The following CYTH3 variants were observed in gnomAD, a reference collection of about 807,000 sequenced individuals.
The protein encoded by CYTH3 is cytohesin 3.
Under a neutral mutation model 55.1 loss-of-function variants are expected in CYTH3, and 23 were observed. That is an observed-to-expected ratio of 0.42 (90% confidence interval 0.30 to 0.59). The LOEUF (loss-of-function observed/expected upper bound fraction) is 0.59. Ranked by LOEUF, CYTH3 falls within the 20% of genes least tolerant of loss-of-function variation. The pLI is 0.20. For synonymous variants in CYTH3, 249 were observed against 194.9 expected (o/e 1.28, Z -2.31); for missense variants, 413 against 524.8 (o/e 0.79, Z 2.08).
chr7:6,228,762 CTG>C (rs1359771885), intron 1 of CYTH3, among the ~76,000 whole-genome samples: 2 of 152,194 alleles, frequency 1.3e-5, no homozygotes. Flanking sequence ...AAGAACACGG[CTG>C]TGTTTTTAAG....
intron 9 of CYTH3, among the ~76,000 whole-genome samples, chr7:6,168,437 A>G (rs1190521931): frequency 6.6e-6 from 1 of 152,118 alleles, no homozygotes; most frequent in Non-Finnish European, 1.5e-5. Context: ...AGCACGTTCT[A>G]GATCCTGCAC....
Position 6,272,541 on chromosome 7 carries a change from GCC to G in CYTH3, c.-36_-35del. 1 of 1,301,082 alleles carries G rather than the reference GCC, an allele frequency of 7.7e-7. No individual in the cohort carries two copies. Among genetic ancestry groups the G allele is most frequent in the Non-Finnish European group, 9.9e-7 (1 of 1,012,544 alleles). 80.6% of individuals were successfully genotyped at this position (1,301,082 alleles called of 1,614,324 possible). ...CACTCCCGCAGCCGGCGAGCCGGGGGCCGGCAGCAGAGGGGCCGCGGGCTGGG... is the reference window on the plus strand; with the variant it reads ...CACTCCCGCAGCCGGCGAGCCGGGGGGGCAGCAGAGGGGCCGCGGGCTGGG... On this transcript the variant is annotated 5_prime_UTR_variant, in exon 1 of 13. Transcript: ENST00000350796.
chr7:6,267,570 T>C (rs1780532219), intron 1 of CYTH3, among the ~76,000 whole-genome samples: 1 of 152,228 alleles, frequency 6.6e-6, no homozygotes, highest in Non-Finnish European at 1.5e-5. Flanking sequence ...TCTCACTCTG[T>C]CGCCAGGCAG....
At chr7:6,182,869 T>C (rs1783544506) in intron 4 of CYTH3, among the ~76,000 whole-genome samples, 1 of 152,186 alleles carries the variant, frequency 6.6e-6, no homozygotes, top group African/African-American at 2.4e-5. Context: ...TTGGGTTTCA[T>C]GTCTCTTTCA....
Position 6,246,694 on chromosome 7 carries a change from A to G in CYTH3, c.34+25780T>C, listed in dbSNP as rs1212266121. On this transcript the variant is annotated intron_variant, in intron 1 of 12. Coordinates refer to ENST00000350796, the MANE Select transcript of CYTH3 (RefSeq NM_004227.4). Reference sequence around the variant, plus strand: ...CCTGCCCCACCCCCACCTACTTCTCAGTTTCTACTAGTGAATCTGACCCAG... The same window carrying G: ...CCTGCCCCACCCCCACCTACTTCTCGGTTTCTACTAGTGAATCTGACCCAG... 6.9e-5 allele frequency among the ~76,000 whole-genome samples: 8 copies of G among 115,336 alleles called. No individual in the cohort carries two copies. In the Admixed American group the frequency reaches 1.0e-3, roughly 15 times the overall value. 75.7% of individuals were successfully genotyped at this position (115,336 alleles called of 152,430 possible).
rs1452282058 is a variant in CYTH3, at chr7:6,171,628, C to G, written c.450-314G>C. The G allele has an allele frequency of 6.4e-6, 2 of 311,358 alleles. No homozygotes were observed. Among genetic ancestry groups the G allele is most frequent in the Non-Finnish European group, 1.3e-5 (2 of 157,198 alleles). The allele number at this position is 311,358 out of a possible 1,614,324, so 19.3% of individuals were successfully genotyped here. On this transcript the variant is annotated intron_variant, in intron 6 of 12. Coordinates refer to ENST00000350796, the MANE Select transcript of CYTH3 (RefSeq NM_004227.4). The surrounding 1 kb of genome is among the most constrained non-coding windows in gnomAD (Gnocchi z 6.7). ...TTCTCTGTCCCCATTGCCACCATCTCCTGCTGCTGCCAGGTGATCACCAGA... is the reference window on the plus strand; with the variant it reads ...TTCTCTGTCCCCATTGCCACCATCTGCTGCTGCTGCCAGGTGATCACCAGA...
intron 1 of CYTH3, among the ~76,000 whole-genome samples, chr7:6,218,660 G>A (rs896428810): frequency 3.9e-5 from 6 of 152,112 alleles, no homozygotes; most frequent in African/African-American, 1.2e-4. Context: ...TGAAGATGAC[G>A]ATACAGAAAG....
chr7:6,221,023 C>T lies in CYTH3; in HGVS notation c.35-30492G>A, dbSNP rs182191352. Among the ~76,000 whole-genome samples, 4 of 152,102 alleles carry T rather than the reference C, an allele frequency of 2.6e-5. No individual in the cohort carries two copies. The East Asian group carries it at 5.8e-4, about 22-fold the overall frequency. ...AAAAAAAAACTAAACATACACTTACCATGTGATCCAGCAATATCACCTGAG... is the reference window on the plus strand; with the variant it reads ...AAAAAAAAACTAAACATACACTTACTATGTGATCCAGCAATATCACCTGAG... On this transcript the variant is annotated intron_variant, in intron 1 of 12. Transcript: ENST00000350796.
chr7:6,184,830 G>C (rs569542970), intron 4 of CYTH3, among the ~76,000 whole-genome samples: 1 of 151,878 alleles, frequency 6.6e-6, no homozygotes, highest in South Asian at 2.1e-4. Context: ...TGCCCAACTG[G>C]GCCTCCTAAA....
intron 1 of CYTH3, among the ~76,000 whole-genome samples, chr7:6,232,165 C>T (rs1037139866): frequency 6.6e-6 from 1 of 152,124 alleles, no homozygotes; most frequent in Non-Finnish European, 1.5e-5. Context: ...GCATAACCAC[C>T]CTTAAACTCA....
chr7:6,200,100 G>A (rs1177048192), intron 1 of CYTH3, among the ~76,000 whole-genome samples: 1 of 152,092 alleles, frequency 6.6e-6, no homozygotes, highest in Non-Finnish European at 1.5e-5. Context: ...TTGTATCTCA[G>A]AATCAAGGAA....
At chr7:6,263,129 A>T (rs1469493780) in intron 1 of CYTH3, among the ~76,000 whole-genome samples, 5 of 152,202 alleles carry the variant, frequency 3.3e-5, no homozygotes, top group Non-Finnish European at 7.3e-5. Flanking sequence ...ATTCCATCCC[A>T]TAACAAGAGC....
chr7:6,188,509 C>T lies in CYTH3; in HGVS notation c.118-788G>A, dbSNP rs75114773. 6.1e-3 allele frequency among the ~76,000 whole-genome samples: 927 copies of T among 152,170 alleles called. 7 individuals carry two copies. The highest frequency in any genetic ancestry group is 0.021 in the African/African-American group (877 of 41,494). ...AGCTGAGGCTCGGGTGTGTTTAGAT[C>T]GGTGGTCTCAGGCTGAAGCTCAGGT... On this transcript the variant is annotated intron_variant, in intron 2 of 12. Transcript: ENST00000350796.
chr7:6,257,033 A>T (rs920895596), intron 1 of CYTH3, among the ~76,000 whole-genome samples: 3 of 152,264 alleles, frequency 2.0e-5, no homozygotes, highest in African/African-American at 7.2e-5. Context: ...AATTTCAGGA[A>T]CATAGTCCAT....
At chr7:6,178,168 C>T (rs1349624561) in intron 4 of CYTH3, among the ~76,000 whole-genome samples, 1 of 152,188 alleles carries the variant, frequency 6.6e-6, no homozygotes, top group Admixed American at 6.5e-5. Flanking sequence ...AGTTAAAAGA[C>T]AGACAAATGG....
intron 1 of CYTH3, among the ~76,000 whole-genome samples, chr7:6,253,699 C>A (rs967837413): frequency 6.6e-6 from 1 of 152,098 alleles, no homozygotes; most frequent in Non-Finnish European, 1.5e-5. Context: ...ACCTGTAGTC[C>A]CAGCTACTGG....
chr7:6,170,370 C>G lies in CYTH3; in HGVS notation c.823+165G>C. On this transcript the variant is annotated intron_variant, in intron 9 of 12. Coordinates refer to ENST00000350796, the MANE Select transcript of CYTH3 (RefSeq NM_004227.4). This position sits in a 1 kb window ranked among gnomAD's most constrained non-coding sequence, Gnocchi z 7.8. ...TGAGGCCCCGGCTCGGAGAAGCAGC[C>G]GTGGCCATGCAGCTACCGAGAGCGG... 3.1e-6 allele frequency: 2 copies of G among 645,778 alleles called. No homozygotes were observed. Among genetic ancestry groups the G allele is most frequent in the South Asian group, 4.0e-5 (2 of 49,554 alleles). The allele number at this position is 645,778 out of a possible 1,614,324, so 40.0% of individuals were successfully genotyped here. A position where few individuals can be genotyped will look rare whatever the true frequency, so the allele number is the denominator to read the frequency against.
At chr7:6,248,077 T>C (rs1011953884) in intron 1 of CYTH3, among the ~76,000 whole-genome samples, 1 of 152,038 alleles carries the variant, frequency 6.6e-6, no homozygotes, top group Non-Finnish European at 1.5e-5. Flanking sequence ...ACAAAGTAGA[T>C]TCAATCTGAA....
intron 1 of CYTH3, among the ~76,000 whole-genome samples, chr7:6,225,209 TTATA>T (rs945490634): frequency 3.9e-5 from 6 of 152,198 alleles, no homozygotes; most frequent in African/African-American, 9.7e-5. Context: ...CAGTACAATA[TTATA>T]TATATCATAT....
Sources: gnomAD v4.1 joint callset for allele counts (sites outside exome capture counted in the v4.1 genomes callset) on GRCh38, gnomAD v4.1.1 for gene constraint, Gnocchi (gnomAD v3.1) non-coding constraint, MANE v1.5 for transcripts, NCBI Gene and HGNC (gene_info 2026-07-23, HGNC 2026-07-21) for gene names.